The following ADAMTSL1 variants were observed in gnomAD, a reference collection of about 807,000 sequenced individuals.
ADAMTSL1 encodes ADAMTS like 1.
In ADAMTSL1, 126 loss-of-function variants were observed where a neutral mutation model predicts 201.8. The observed-to-expected ratio is 0.62, with a 90% CI of 0.54 to 0.72. ADAMTSL1 has a LOEUF of 0.72. Among genes scored for constraint, ADAMTSL1 ranks in the 30% least tolerant of loss-of-function variants. ADAMTSL1 has a pLI of 0.00. For missense variants in ADAMTSL1, 2,679 were observed against 2,277.8 expected (o/e 1.18, Z -3.59); for synonymous variants, 1,121 against 903.4 (o/e 1.24, Z -4.32).
chr9:18,684,998 T>C, intron 13 of ADAMTSL1, 198 bp downstream of exon 13: 4 of 1,337,202 alleles, frequency 3.0e-6, no homozygotes, highest in Non-Finnish European at 3.8e-6. Context: ...AATACTTCTG[T>C]TTTGCCTAAA....
chr9:17,922,087 CTTTT>C (rs33961485), intron 1 of ADAMTSL1, among the ~76,000 whole-genome samples: 1 of 144,700 alleles, frequency 6.9e-6, no homozygotes. Flanking sequence ...GCAGTTCAGG[CTTTT>C]TTTTTTTTTG....
intron 18 of ADAMTSL1, 110 bp from the exon 19 acceptor site, chr9:18,776,671 C>A: frequency 8.0e-7 from 1 of 1,257,404 alleles, no homozygotes; most frequent in Non-Finnish European, 1.1e-6. Flanking sequence ...CTCTCCTTCT[C>A]TTCTCCACTC....
intron 2 of ADAMTSL1, among the ~76,000 whole-genome samples, chr9:18,210,268 A>C (rs754367423): frequency 1.3e-5 from 2 of 151,198 alleles, no homozygotes; most frequent in East Asian, 3.8e-4. Context: ...AGAGTTTTTA[A>C]TTAATACTTT....
chr9:18,245,908 C>T (rs1396776669), intron 2 of ADAMTSL1, among the ~76,000 whole-genome samples: 2 of 152,088 alleles, frequency 1.3e-5, no homozygotes, highest in Non-Finnish European at 2.9e-5. Context: ...TAAAGTATCA[C>T]CATTTTATTT....
chr9:18,270,048 A>G (rs929438401), intron 2 of ADAMTSL1, among the ~76,000 whole-genome samples: 14 of 152,092 alleles, frequency 9.2e-5, no homozygotes, highest in African/African-American at 3.1e-4. Context: ...CATAGTCCAT[A>G]TAGGCTGCTA....
intron 15 of ADAMTSL1, among the ~76,000 whole-genome samples, chr9:18,747,243 T>A (rs953598021): frequency 6.6e-6 from 1 of 152,194 alleles, no homozygotes; most frequent in African/African-American, 2.4e-5. Context: ...TTACCTAACC[T>A]CTCAGAGTCT....
At chr9:17,982,207 T>G (rs1453383730) in intron 1 of ADAMTSL1, among the ~76,000 whole-genome samples, 1 of 152,182 alleles carries the variant, frequency 6.6e-6, no homozygotes, top group Non-Finnish European at 1.5e-5. Context: ...TAGCATGACA[T>G]TAGTTTGGTG....
intron 2 of ADAMTSL1, among the ~76,000 whole-genome samples, chr9:18,517,837 T>C (rs1818456762): frequency 1.3e-5 from 2 of 152,192 alleles, no homozygotes; most frequent in Admixed American, 6.5e-5. Context: ...GTCTTTGCTA[T>C]TGTGAATAAT....
chr9:18,817,389 G>A (rs938041948), intron 21 of ADAMTSL1, among the ~76,000 whole-genome samples, 152 bp downstream of exon 21: 7 of 152,250 alleles, frequency 4.6e-5, no homozygotes, highest in South Asian at 2.1e-4. Context: ...AAAGTAGAAA[G>A]TGCTACAGAA....
intron 3 of ADAMTSL1, among the ~76,000 whole-genome samples, chr9:18,541,138 C>T (rs1341065): frequency 0.97 from 147,784 of 152,304 alleles, 71,724 homozygotes; most frequent in East Asian, 1. Flanking sequence ...TACACTGATA[C>T]AACAAAATTG....
At chr9:18,039,522 G>T (rs1430344315) in intron 1 of ADAMTSL1, among the ~76,000 whole-genome samples, 2 of 152,160 alleles carry the variant, frequency 1.3e-5, no homozygotes, top group East Asian at 1.9e-4. Flanking sequence ...AATTTTTCTT[G>T]TTATGGGATA....
At chr9:18,236,800 C>T (rs1204390402) in intron 2 of ADAMTSL1, among the ~76,000 whole-genome samples, 1 of 152,174 alleles carries the variant, frequency 6.6e-6, no homozygotes, top group Non-Finnish European at 1.5e-5. Flanking sequence ...CAGTGCAATG[C>T]AAACAATTGA....
chr9:18,723,839 C>G (rs1430049573), intron 15 of ADAMTSL1: 2 of 152,286 alleles, frequency 1.3e-5, no homozygotes, highest in East Asian at 3.8e-4. Flanking sequence ...GAATATCTCA[C>G]TCTGATGTCA....
chr9:17,919,990 T>C (rs1826243000), intron 1 of ADAMTSL1, among the ~76,000 whole-genome samples: 1 of 152,176 alleles, frequency 6.6e-6, no homozygotes, highest in Non-Finnish European at 1.5e-5. Context: ...CTTATTAGTA[T>C]CTGACCTTTT....
intron 1 of ADAMTSL1, among the ~76,000 whole-genome samples, chr9:18,152,820 T>A (rs564276628): frequency 6.6e-6 from 1 of 152,058 alleles, no homozygotes; most frequent in African/African-American, 2.4e-5. Context: ...GGCCAGTAAA[T>A]CGACACTGTC....
rs756380403 is a variant in ADAMTSL1 at position 18,085,991 on chromosome 9, A to T, written c.88-77871A>T. ...AGATAATATCTTGAAAGTCAAATCGATGAGCACAGATTGGGTATGAGGTGT... is the reference window on the plus strand; with the variant it reads ...AGATAATATCTTGAAAGTCAAATCGTTGAGCACAGATTGGGTATGAGGTGT... On this transcript the variant is annotated intron_variant, in intron 1 of 29. Transcript: ENST00000680146. Among the ~76,000 whole-genome samples, 5 of 152,212 alleles carry T rather than the reference A, an allele frequency of 3.3e-5. No individual in the cohort carries two copies. The East Asian group carries it at 9.6e-4, about 29-fold the overall frequency.
intron 1 of ADAMTSL1, among the ~76,000 whole-genome samples, chr9:18,112,412 C>T (rs1825063289): frequency 6.6e-6 from 1 of 151,956 alleles, no homozygotes; most frequent in Non-Finnish European, 1.5e-5. Flanking sequence ...CATACAGATT[C>T]TCAGAGATTT....
intron 1 of ADAMTSL1, among the ~76,000 whole-genome samples, chr9:18,082,875 G>C (rs1382454759): frequency 6.6e-6 from 1 of 152,094 alleles, no homozygotes; most frequent in Non-Finnish European, 1.5e-5. Flanking sequence ...TATAACATGA[G>C]AACATTATGA....
At chr9:18,550,832 A>G (rs899042080) in intron 3 of ADAMTSL1, among the ~76,000 whole-genome samples, 4 of 152,016 alleles carry the variant, frequency 2.6e-5, no homozygotes, top group African/African-American at 7.2e-5. Context: ...GTTTTTTTAA[A>G]AAAACATATT....
Sources: allele counts gnomAD v4.1 joint callset (sites outside exome capture counted in the v4.1 genomes callset), GRCh38; gene constraint gnomAD v4.1.1; transcripts MANE v1.5; gene names NCBI Gene and HGNC (gene_info 2026-07-23, HGNC 2026-07-21).